DPYD: variants seen among roughly 807,000 people sequenced by gnomAD.
DPYD encodes the protein dihydropyrimidine dehydrogenase.
Under a neutral mutation model 116.2 loss-of-function variants are expected in DPYD, and 109 were observed. The observed-to-expected ratio is 0.94, with a 90% CI of 0.80 to 1.10. The LOEUF (loss-of-function observed/expected upper bound fraction) is 1.10. Among genes scored for constraint, DPYD ranks in the 50% least tolerant of loss-of-function variants. The pLI, the probability that DPYD is intolerant of heterozygous loss-of-function variation, is 0.00. For missense variants in DPYD, 1,302 were observed against 1,254.5 expected, an observed-to-expected ratio of 1.04 and a Z score of -0.57; for synonymous variants, 440 against 432.0, an observed-to-expected ratio of 1.02 and a Z score of -0.23.
chr1:97,420,356 A>G (rs1447345615), intron 14 of DPYD, among the ~76,000 whole-genome samples: 1 of 152,176 alleles, frequency 6.6e-6, no homozygotes, highest in African/African-American at 2.4e-5. Context: ...GGGGTTGAAG[A>G]TGAAAGAGTC....
intron 18 of DPYD, among the ~76,000 whole-genome samples, chr1:97,289,644 A>G (rs1665992153): frequency 6.6e-6 from 1 of 152,110 alleles, no homozygotes; most frequent in Non-Finnish European, 1.5e-5. Flanking sequence ...ACAACCCTTC[A>G]TGCTAAAAAC....
At chr1:97,680,563 G>C (rs1156947847) in intron 7 of DPYD, among the ~76,000 whole-genome samples, 1 of 152,154 alleles carries the variant, frequency 6.6e-6, no homozygotes, top group African/African-American at 2.4e-5. Context: ...ATCAGAAATA[G>C]TTCAGAGTCA....
intron 13 of DPYD, among the ~76,000 whole-genome samples, chr1:97,456,734 T>A (rs1676711956): frequency 6.6e-6 from 1 of 152,074 alleles, no homozygotes; most frequent in South Asian, 2.1e-4. Context: ...CCAGGACCAG[T>A]AGATTTAAAT....
chr1:97,333,060 C>CGT (rs568288198), intron 16 of DPYD, among the ~76,000 whole-genome samples: 1 of 133,864 alleles, frequency 7.5e-6, no homozygotes, highest in Non-Finnish European at 1.6e-5. Context: ...ACTGCTAATT[C>CGT]TTTTTTTTTT....
At chr1:97,830,892 T>G (rs979365683) in intron 2 of DPYD, among the ~76,000 whole-genome samples, 2 of 152,108 alleles carry the variant, frequency 1.3e-5, no homozygotes, top group African/African-American at 4.8e-5. Flanking sequence ...GCGGCAACCT[T>G]AATAATAATT....
intron 18 of DPYD, among the ~76,000 whole-genome samples, chr1:97,258,928 G>A (rs562885977): frequency 2.4e-4 from 36 of 152,168 alleles, no homozygotes; most frequent in Admixed American, 9.8e-4. Context: ...ATTCACATTC[G>A]GAGATGGACT....
rs927463053 is a variant in DPYD at position 97,549,724 on chromosome 1, T to C, written c.1360A>G (p.Ile454Val). Residue 454 changes from isoleucine to valine, a missense_variant, in exon 12 of 23, where the codon ATA (isoleucine) becomes GTA (valine). By Grantham distance (29) the Ile-to-Val change is conservative. Transcript: ENST00000370192. ...GGGAGACCCCATCTGTTAAATTTTATAGGGCTCAAGGCTTCTTTTACTGAA... is the reference window on the plus strand; with the variant it reads ...GGGAGACCCCATCTGTTAAATTTTACAGGGCTCAAGGCTTCTTTTACTGAA... Reference protein sequence around the residue: ...DPKVKEALSPIKFNRWGLPEV... With the variant: ...DPKVKEALSPVKFNRWGLPEV... The C allele has an allele frequency of 6.2e-6, 10 of 1,613,636 alleles. No homozygotes were observed. The highest frequency in any genetic ancestry group is 1.6e-4 in the Middle Eastern group (1 of 6,078).
intron 16 of DPYD, among the ~76,000 whole-genome samples, chr1:97,325,346 C>T (rs145138450): frequency 7.2e-5 from 11 of 152,110 alleles, no homozygotes; most frequent in African/African-American, 1.9e-4. Context: ...TTTCAAATTG[C>T]TACTATTCCT....
chr1:97,454,264 T>C (rs1676569137), intron 13 of DPYD, among the ~76,000 whole-genome samples: 2 of 151,966 alleles, frequency 1.3e-5, no homozygotes, highest in African/African-American at 4.8e-5. Context: ...AACACATATA[T>C]AACCAATTAT....
At chr1:97,684,119 G>A (rs1660579310) in intron 7 of DPYD, among the ~76,000 whole-genome samples, 1 of 152,128 alleles carries the variant, frequency 6.6e-6, no homozygotes, top group Non-Finnish European at 1.5e-5. Flanking sequence ...TCTTTTAGTT[G>A]TTATGGTAGG....
At chr1:97,214,641 TCAAC>T (rs1660253603) in intron 19 of DPYD, among the ~76,000 whole-genome samples, 1 of 152,186 alleles carries the variant, frequency 6.6e-6, no homozygotes, top group African/African-American at 2.4e-5. Flanking sequence ...AGGATGAACT[TCAAC>T]CAATGCATGA....
chr1:97,420,734 A>G (rs1201489789), intron 14 of DPYD, among the ~76,000 whole-genome samples: 5 of 151,988 alleles, frequency 3.3e-5, no homozygotes, highest in Non-Finnish European at 7.4e-5. Flanking sequence ...GTTGTGAAAT[A>G]TTTTCTCAAA....
chr1:97,157,284 A>T (rs543020967), intron 20 of DPYD, among the ~76,000 whole-genome samples: 18 of 152,146 alleles, frequency 1.2e-4, no homozygotes, highest in South Asian at 4.1e-4. Context: ...AAATAAAATT[A>T]AAAAAACCCC....
At chr1:97,092,740 C>G (rs1046451776) in intron 21 of DPYD, among the ~76,000 whole-genome samples, 3 of 152,036 alleles carry the variant, frequency 2.0e-5, no homozygotes, top group Non-Finnish European at 4.4e-5. Flanking sequence ...ACACCCCAAA[C>G]TCCCCTCAAA....
intron 20 of DPYD, among the ~76,000 whole-genome samples, chr1:97,178,523 C>T (rs543733406): frequency 6.6e-6 from 1 of 152,108 alleles, no homozygotes; most frequent in African/African-American, 2.4e-5. Context: ...AGAACTCACT[C>T]ATTCTCATGA....
At chr1:97,323,876 G>C (rs1668567538) in intron 16 of DPYD, among the ~76,000 whole-genome samples, 1 of 151,618 alleles carries the variant, frequency 6.6e-6, no homozygotes, top group Non-Finnish European at 1.5e-5. Flanking sequence ...GTAGGACACA[G>C]GAACTATCCC....
At chr1:97,824,294 T>A (rs940785114) in intron 3 of DPYD, among the ~76,000 whole-genome samples, 4 of 152,164 alleles carry the variant, frequency 2.6e-5, no homozygotes, top group African/African-American at 4.8e-5. Flanking sequence ...TCTAAGAAAG[T>A]AAGTGTATCT....
At chr1:97,137,595 T>C (rs1427696701) in intron 20 of DPYD, among the ~76,000 whole-genome samples, 1 of 152,198 alleles carries the variant, frequency 6.6e-6, no homozygotes, top group East Asian at 1.9e-4. Context: ...GCTCTGTATC[T>C]CCATCAGTTT....
chr1:97,392,404 G>C (rs1454045007), intron 14 of DPYD, among the ~76,000 whole-genome samples: 1 of 151,540 alleles, frequency 6.6e-6, no homozygotes, highest in South Asian at 2.1e-4. Context: ...ACCTATGCTG[G>C]AGGGCAGTGG....
Sources: gnomAD v4.1 joint callset for allele counts (sites outside exome capture counted in the v4.1 genomes callset) on GRCh38, gnomAD v4.1.1 for gene constraint, MANE v1.5 for transcripts, NCBI Gene and HGNC (gene_info 2026-07-23, HGNC 2026-07-21) for gene names.